Variants in RBPMS observed in about 807,000 individuals in gnomAD.
The protein encoded by RBPMS is RNA-binding protein with multiple splicing.
RBPMS carries 7 observed loss-of-function variants against 26.8 expected under a neutral mutation model. That is an observed-to-expected ratio of 0.26 (90% CI 0.15 to 0.49). The LOEUF (loss-of-function observed/expected upper bound fraction) is 0.49, where lower values mean the gene tolerates loss of function less well. Ranked by LOEUF, RBPMS falls within the 20% of genes least tolerant of loss-of-function variation. The pLI, the probability that RBPMS is intolerant of heterozygous loss-of-function variation, is 0.98. For missense variants in RBPMS, 186 were observed against 250.0 expected, an observed-to-expected ratio of 0.74 and a Z score of 1.73; for synonymous variants, 96 against 93.3, an observed-to-expected ratio of 1.03 and a Z score of -0.17.
At chr8:30,563,971 C>A (rs73574137) in intron 7 of RBPMS, 1 of 152,246 alleles carries the variant, frequency 6.6e-6, no homozygotes, top group Non-Finnish European at 1.5e-5. Context: ...AAGGCTAATA[C>A]GGTGAGCAGC....
intron 5 of RBPMS, among the ~76,000 whole-genome samples, chr8:30,539,689 G>T (rs2151032939): frequency 6.7e-6 from 1 of 150,336 alleles, no homozygotes; most frequent in East Asian, 2.0e-4. Flanking sequence ...GCAGTGGTGT[G>T]ATCTTGGCTC....
At chr8:30,549,742 C>CTTTTCT (rs1554543777) in intron 6 of RBPMS, among the ~76,000 whole-genome samples, 1 of 143,960 alleles carries the variant, frequency 6.9e-6, no homozygotes, top group African/African-American at 2.7e-5. Flanking sequence ...TTCTTTCTTT[C>CTTTTCT]TTTCTTTCCT....
chr8:30,388,733 T>C (rs117404543), intron 1 of RBPMS, among the ~76,000 whole-genome samples: 2,262 of 152,200 alleles, frequency 0.015, 31 homozygotes, highest in South Asian at 0.038. Context: ...TTATTTCTAC[T>C]TTTATCCATG....
chr8:30,423,608 C>G (rs1371959592), intron 1 of RBPMS, among the ~76,000 whole-genome samples: 1 of 133,172 alleles, frequency 7.5e-6, no homozygotes, highest in Non-Finnish European at 1.6e-5. Context: ...GTCTCAGGAC[C>G]AAACAATCTG....
intron 5 of RBPMS, among the ~76,000 whole-genome samples, chr8:30,539,716 C>T (rs1474389366): frequency 6.6e-6 from 1 of 151,492 alleles, no homozygotes; most frequent in Non-Finnish European, 1.5e-5. Context: ...ATCTGCACCT[C>T]CCAGGTTCAA....
chr8:30,481,725 G>A (rs548549510), intron 4 of RBPMS, among the ~76,000 whole-genome samples: 17 of 152,262 alleles, frequency 1.1e-4, no homozygotes, highest in African/African-American at 4.1e-4. Flanking sequence ...AATGAGCCTG[G>A]GCTTTCTGCT....
chr8:30,499,594 A>C (rs954628910), intron 4 of RBPMS, among the ~76,000 whole-genome samples: 2 of 152,042 alleles, frequency 1.3e-5, no homozygotes, highest in African/African-American at 4.8e-5. Context: ...CGTAACCTGA[A>C]TCTAAACCAA....
chr8:30,414,106 CCCCACCCCCTCCTCT>C (rs1334825132), intron 1 of RBPMS, among the ~76,000 whole-genome samples: 3 of 151,742 alleles, frequency 2.0e-5, no homozygotes, highest in Non-Finnish European at 4.4e-5. Context: ...CCCCCTCCTC[CCCCACCCCCTCCTCT>C]CCTTTTGATG....
intron 4 of RBPMS, among the ~76,000 whole-genome samples, chr8:30,488,568 G>T (rs1210397796): frequency 1.3e-5 from 2 of 152,282 alleles, no homozygotes; most frequent in East Asian, 3.9e-4. Flanking sequence ...TGGAGGAAAG[G>T]CTTTTAGGCT....
At chr8:30,446,795 T>TG (rs1554515675) in intron 1 of RBPMS, 24 of 112,432 alleles carry the variant, frequency 2.1e-4, no homozygotes, top group Admixed American at 1.6e-3. Flanking sequence ...CACACATGGC[T>TG]TGTGTGTGTG....
chr8:30,540,581 A>G (rs2151035342), intron 5 of RBPMS, among the ~76,000 whole-genome samples: 1 of 152,098 alleles, frequency 6.6e-6, no homozygotes, highest in East Asian at 1.9e-4. Flanking sequence ...ATGCACCGCC[A>G]GGCCTGGCTA....
intron 1 of RBPMS, among the ~76,000 whole-genome samples, chr8:30,458,510 G>C (rs1263018131): frequency 1.3e-5 from 2 of 152,042 alleles, no homozygotes; most frequent in African/African-American, 4.8e-5. Context: ...CAGGCAGTCT[G>C]GCTCTACAGT....
chr8:30,563,080 T>C (rs3757915), intron 7 of RBPMS, among the ~76,000 whole-genome samples: 112,546 of 152,168 alleles, frequency 0.74, 41,894 homozygotes, highest in Middle Eastern at 0.78. Flanking sequence ...TTACTGCTCA[T>C]GATCCTGCAA....
At chr8:30,391,437 C>T (rs1050584310) in intron 1 of RBPMS, among the ~76,000 whole-genome samples, 2 of 152,124 alleles carry the variant, frequency 1.3e-5, no homozygotes, top group Non-Finnish European at 2.9e-5. Context: ...TGCAAATGTT[C>T]CTCTTGAACA....
In RBPMS at chr8:30,553,922, G is replaced by A. The variant is rs528466194; in HGVS notation, c.529-4965G>A. The stretch of plus-strand genomic sequence containing the variant: ...CTCCTGAGTAGCTGGGACTACAGGC[G>A]CACACCACCACACCCAGCTAATTTT... On this transcript the variant is annotated intron_variant, in intron 6 of 8. Coordinates refer to ENST00000397323, the MANE Select transcript of RBPMS (RefSeq NM_001008710.3). Among the ~76,000 whole-genome samples, 206 of 152,042 alleles carry A rather than the reference G, an allele frequency of 1.4e-3. 2 individuals are homozygous for A. Among genetic ancestry groups the A allele is most frequent in the South Asian group, 0.012 (58 of 4,802 alleles).
At chr8:30,474,317 A>G (rs531616000) in intron 1 of RBPMS, among the ~76,000 whole-genome samples, 1 of 152,296 alleles carries the variant, frequency 6.6e-6, no homozygotes, top group Admixed American at 6.5e-5. Context: ...ATTATTTTTG[A>G]AGCACATTAT....
intron 5 of RBPMS, among the ~76,000 whole-genome samples, chr8:30,538,317 C>A (rs1335560020): frequency 6.6e-6 from 1 of 151,844 alleles, no homozygotes; most frequent in Non-Finnish European, 1.5e-5. Context: ...TGCAGTGGTG[C>A]GATCTTGGCA....
intron 1 of RBPMS, among the ~76,000 whole-genome samples, chr8:30,417,175 G>C (rs1190936224): frequency 6.6e-6 from 1 of 152,026 alleles, no homozygotes; most frequent in Non-Finnish European, 1.5e-5. Flanking sequence ...AAAATCTTCT[G>C]ATTGTGTTTG....
At chr8:30,513,898 T>C (rs1480321570) in intron 5 of RBPMS, among the ~76,000 whole-genome samples, 5 of 152,190 alleles carry the variant, frequency 3.3e-5, no homozygotes, top group African/African-American at 1.2e-4. Context: ...TATCTTTTCT[T>C]TTACAGTATG....
Sources: gnomAD v4.1 joint callset for allele counts (sites outside exome capture counted in the v4.1 genomes callset) on GRCh38, gnomAD v4.1.1 for gene constraint, MANE v1.5 for transcripts, NCBI Gene and HGNC (gene_info 2026-07-23, HGNC 2026-07-21) for gene names.